FARS2: variants seen among roughly 807,000 people sequenced by gnomAD.
FARS2 encodes phenylalanyl-tRNA synthetase 2, mitochondrial, also known as phenylalanine--tRNA ligase, mitochondrial.
In FARS2, 40 loss-of-function variants were observed where a neutral mutation model predicts 46.4. The ratio of observed to expected loss-of-function variants is 0.86; its 90% CI spans 0.67 to 1.12. The LOEUF (loss-of-function observed/expected upper bound fraction) is 1.12, where lower values mean the gene tolerates loss of function less well. Among genes scored for constraint, FARS2 ranks in the 50% most tolerant of loss-of-function variants. The probability of loss-of-function intolerance (pLI) is 0.00; values close to 1 mark genes in which losing one functional copy is unlikely to be tolerated. For synonymous variants in FARS2, 234 were observed against 214.9 expected (o/e 1.09, Z -0.78); for missense variants, 513 against 567.9 (o/e 0.90, Z 0.98).
chr6:5,359,525 A>G (rs1482305197), intron 1 of FARS2, among the ~76,000 whole-genome samples: 1 of 152,220 alleles, frequency 6.6e-6, no homozygotes, highest in African/African-American at 2.4e-5. Context: ...TCTCTGATCC[A>G]TATGCCCTGG....
At chr6:5,261,068 A>C, upstream of FARS2, 1 of 577,536 alleles carries the variant, frequency 1.7e-6, no homozygotes, top group Non-Finnish European at 2.2e-6. Flanking sequence ...CGGGGAAATA[A>C]GAGGACTGGC....
intron 6 of FARS2, among the ~76,000 whole-genome samples, chr6:5,615,377 T>C (rs996933625): frequency 2.0e-5 from 3 of 152,222 alleles, no homozygotes; most frequent in Admixed American, 6.5e-5. Flanking sequence ...CTTCTGTCTT[T>C]TCTCCCTTGT....
chr6:5,709,716 TGGGGG>T (rs373161861), intron 6 of FARS2, among the ~76,000 whole-genome samples: 4 of 133,500 alleles, frequency 3.0e-5, no homozygotes, highest in Non-Finnish European at 4.8e-5. Flanking sequence ...ACGTGCATGT[TGGGGG>T]GGGTGGGGTT....
Position 5,683,356 on chromosome 6 carries a change from A to G in FARS2, c.1217+70036A>G, listed in dbSNP as rs75248102. ...GGACTAAGTGAGCAGGTGAATAGTG[A>G]TGTCATTTTCTGGGAGGAAGAAGGA... On this transcript the variant is annotated intron_variant, in intron 6 of 6. Coordinates refer to ENST00000274680, the MANE Select transcript of FARS2 (RefSeq NM_006567.5). Among the ~76,000 whole-genome samples, 934 of 152,200 alleles carry G rather than the reference A, an allele frequency of 6.1e-3. 2 individuals are homozygous for G. Among genetic ancestry groups the G allele is most frequent in the Non-Finnish European group, 9.9e-3 (675 of 68,008 alleles).
At chr6:5,619,116 G>T (rs1469231921) in intron 6 of FARS2, among the ~76,000 whole-genome samples, 1 of 152,308 alleles carries the variant, frequency 6.6e-6, no homozygotes. Flanking sequence ...CTTAGCCATT[G>T]CCTTTAGCTG....
intron 3 of FARS2, among the ~76,000 whole-genome samples, chr6:5,418,203 C>T (rs1427608652): frequency 6.6e-6 from 1 of 152,048 alleles, no homozygotes; most frequent in African/African-American, 2.4e-5. Context: ...GCTTTTGATT[C>T]TTCTGTACTT....
chr6:5,596,567 TTGA>T (rs1488551919), intron 5 of FARS2, among the ~76,000 whole-genome samples: 1 of 152,230 alleles, frequency 6.6e-6, no homozygotes, highest in Non-Finnish European at 1.5e-5. Flanking sequence ...TAGCTCTTAA[TTGA>T]TGATTTTGCT....
chr6:5,557,625 T>C (rs1325145954), intron 5 of FARS2, among the ~76,000 whole-genome samples: 1 of 152,112 alleles, frequency 6.6e-6, no homozygotes, highest in African/African-American at 2.4e-5. Flanking sequence ...GAAAGATATC[T>C]CTTGTTACTG....
chr6:5,657,104 A>G (rs903376143), intron 6 of FARS2, among the ~76,000 whole-genome samples: 6 of 152,222 alleles, frequency 3.9e-5, no homozygotes, highest in Non-Finnish European at 7.3e-5. Context: ...ATACATATGT[A>G]TCACAATATG....
In FARS2 at chr6:5,600,379, A is replaced by G. The variant is rs1451096897; in HGVS notation, c.1066-12790A>G. On this transcript the variant is annotated intron_variant, in intron 5 of 6. Coordinates refer to ENST00000274680, the MANE Select transcript of FARS2 (RefSeq NM_006567.5). ...GTTGCCTGAGTAGGAACTGTGCCTA[A>G]CTCTGGCCAACACAGTATGCTCCTG... Among the ~76,000 whole-genome samples the G allele has an allele frequency of 2.0e-5, 3 of 152,200 alleles. No individual in the cohort carries two copies. In the East Asian group the frequency reaches 5.8e-4, roughly 29 times the overall value.
intron 6 of FARS2, among the ~76,000 whole-genome samples, chr6:5,725,723 C>T (rs888505191): frequency 3.9e-5 from 6 of 152,148 alleles, no homozygotes; most frequent in African/African-American, 1.4e-4. Flanking sequence ...ATCAGTTGAG[C>T]TCAGGAGTTC....
intron 1 of FARS2, among the ~76,000 whole-genome samples, chr6:5,361,989 T>C (rs975633582): frequency 1.3e-5 from 2 of 152,212 alleles, no homozygotes; most frequent in Non-Finnish European, 2.9e-5. Context: ...GTTGTTGTCA[T>C]TGTGCCAAAG....
At chr6:5,251,691 G>GA in the FARS2 span, among the ~76,000 whole-genome samples, 1 of 152,212 alleles carries the variant, frequency 6.6e-6, no homozygotes, top group Non-Finnish European at 1.5e-5. Flanking sequence ...CAACACGGGG[G>GA]ATTGCATTTC....
chr6:5,484,436 G>T (rs908598428), intron 4 of FARS2, among the ~76,000 whole-genome samples: 4 of 152,204 alleles, frequency 2.6e-5, no homozygotes, highest in African/African-American at 7.2e-5. Flanking sequence ...TATCTGTGCT[G>T]TCCAGTATGG....
At chr6:5,690,521 T>C (rs1235169177) in intron 6 of FARS2, among the ~76,000 whole-genome samples, 64 of 151,710 alleles carry the variant, frequency 4.2e-4, no homozygotes, top group African/African-American at 1.6e-3. Context: ...TGTTGAATAT[T>C]GGCCCCCACT....
In FARS2 at chr6:5,569,407, T is replaced by C. The variant is rs113477851; in HGVS notation, c.1065+24067T>C. On this transcript the variant is annotated intron_variant, in intron 5 of 6. Transcript: ENST00000274680. ...ATATGCCCCCATGCCCGGCTAATTT[T>C]TGTATAGTTTTTGTGGAGATGGGGT... Among the ~76,000 whole-genome samples, 534 of 152,148 alleles carry C rather than the reference T, an allele frequency of 3.5e-3. 1 individual carries two copies. The highest frequency in any genetic ancestry group is 4.8e-3 in the Admixed American group (74 of 15,282).
chr6:5,376,044 G>T (rs749303492), intron 2 of FARS2, among the ~76,000 whole-genome samples: 1 of 152,086 alleles, frequency 6.6e-6, no homozygotes, highest in Non-Finnish European at 1.5e-5. Context: ...TACGTGCTGG[G>T]TGGAGATATT....
intron 6 of FARS2, among the ~76,000 whole-genome samples, chr6:5,634,864 A>G (rs1053925951): frequency 6.6e-6 from 1 of 152,106 alleles, no homozygotes; most frequent in Non-Finnish European, 1.5e-5. Flanking sequence ...CAATTTCCTG[A>G]GCTTTCATCA....
intron 6 of FARS2, among the ~76,000 whole-genome samples, chr6:5,726,448 G>A (rs1760262690): frequency 1.3e-5 from 2 of 152,192 alleles, no homozygotes; most frequent in Admixed American, 1.3e-4. Context: ...AACCACACAT[G>A]CATGATGGTC....
Sources: allele counts gnomAD v4.1 joint callset (sites outside exome capture counted in the v4.1 genomes callset), GRCh38; gene constraint gnomAD v4.1.1; transcripts MANE v1.5; gene names NCBI Gene and HGNC (gene_info 2026-07-23, HGNC 2026-07-21).